Variants in MAP3K4 observed in about 807,000 individuals in gnomAD.
MAP3K4 encodes the protein mitogen-activated protein kinase kinase kinase 4.
A neutral mutation model predicts 185.6 loss-of-function variants in MAP3K4; 67 were observed. That is an observed-to-expected ratio of 0.36 (90% confidence interval 0.30 to 0.44). The LOEUF (loss-of-function observed/expected upper bound fraction) is 0.44, where lower values mean the gene tolerates loss of function less well. Among genes scored for constraint, MAP3K4 ranks in the 20% least tolerant of loss-of-function variants. The pLI, the probability that MAP3K4 is intolerant of heterozygous loss-of-function variation, is 1.00. For synonymous variants in MAP3K4, 702 were observed against 710.4 expected, an observed-to-expected ratio of 0.99 and a Z score of 0.19; for missense variants, 1,551 against 1,995.1, an observed-to-expected ratio of 0.78 and a Z score of 4.24.
At position 161,086,534 on chromosome 6, in the gene MAP3K4, A is replaced by T; in HGVS notation, c.2473-50A>T. On this transcript the variant is annotated intron_variant, in intron 8 of 26. Coordinates refer to ENST00000392142, the MANE Select transcript of MAP3K4 (RefSeq NM_005922.4). This position sits in a 1 kb window ranked among gnomAD's most constrained non-coding sequence, Gnocchi z 4.8. ...TTTTTTCTTGTTTTTCTTTTATCTT[A>T]TTTTTTTAATGCTAACCGTAAAGAA... 5 of 1,600,508 alleles carry T rather than the reference A, an allele frequency of 3.1e-6. No homozygotes were observed. Among genetic ancestry groups the T allele is most frequent in the Non-Finnish European group, 4.3e-6 (5 of 1,171,154 alleles).
At chr6:161,016,959 G>T (rs902110713) in intron 1 of MAP3K4, among the ~76,000 whole-genome samples, 3 of 152,118 alleles carry the variant, frequency 2.0e-5, no homozygotes, top group Non-Finnish European at 4.4e-5. Flanking sequence ...TTTCCTAGCT[G>T]TGTCTGTTTT....
rs1188536000 is a variant in MAP3K4, at chr6:161,105,648, CT to C, written c.3857-863del. 3.3e-5 allele frequency among the ~76,000 whole-genome samples: 5 copies of C among 152,056 alleles called. No individual in the cohort carries two copies. The South Asian group carries it at 1.0e-3, about 32-fold the overall frequency. The stretch of plus-strand genomic sequence containing the variant: ...CAGATACTCAGGTATGAAGAAGATA[CT>C]TTAGGCAGAGGGAAAGGTGTAAAAG... On this transcript the variant is annotated intron_variant, in intron 19 of 26. Transcript: ENST00000392142.
intron 1 of MAP3K4, among the ~76,000 whole-genome samples, chr6:161,009,948 A>G (rs1253747478): frequency 6.6e-6 from 1 of 152,182 alleles, no homozygotes; most frequent in Non-Finnish European, 1.5e-5. Context: ...TGATAGGTGC[A>G]GCAGACCACC....
rs940460125 is a variant in MAP3K4 at position 161,076,345 on chromosome 6, G to A, written c.2097+2733G>A. On this transcript the variant is annotated intron_variant, in intron 5 of 26. Transcript: ENST00000392142. This position sits in a 1 kb window ranked among gnomAD's most constrained non-coding sequence, Gnocchi z 4.2. ...TTCTCTGGTTGTCAGGAAGACTGCC[G>A]AATGGGAGCTCTCTTAGCAGGGGGA... is the stretch of plus-strand genomic sequence containing the variant. 6.6e-6 allele frequency among the ~76,000 whole-genome samples: 1 copy of A among 152,196 alleles called. No homozygotes were observed. Among genetic ancestry groups the A allele is most frequent in the African/African-American group, 2.4e-5 (1 of 41,462 alleles).
chr6:161,108,140 G>A lies in MAP3K4; in HGVS notation c.4119+171G>A, dbSNP rs1187301619. Among the ~76,000 whole-genome samples, 2 of 152,254 alleles carry A rather than the reference G, an allele frequency of 1.3e-5. No individual in the cohort carries two copies. The highest frequency in any genetic ancestry group is 2.9e-5 in the Non-Finnish European group (2 of 68,044). ...TGCACTGAGATAACACACACAGACAGTGAAGGGGCTTACGATTCCAGAGAG... is the reference window on the plus strand; with the variant it reads ...TGCACTGAGATAACACACACAGACAATGAAGGGGCTTACGATTCCAGAGAG... On this transcript the variant is annotated intron_variant, in intron 21 of 26. Coordinates refer to ENST00000392142, the MANE Select transcript of MAP3K4 (RefSeq NM_005922.4). The surrounding 1 kb of genome is among the most constrained non-coding windows in gnomAD (Gnocchi z 5.7).
At position 161,076,710 on chromosome 6, in the gene MAP3K4, A is replaced by G. The variant is rs1583201456; in HGVS notation, c.2097+3098A>G. Reference sequence around the variant, plus strand: ...ATGTGGTAGTTGTAGAAGAGACACAAGAGAGCTCACATGTACACAATTTGA... The same window carrying G: ...ATGTGGTAGTTGTAGAAGAGACACAGGAGAGCTCACATGTACACAATTTGA... On this transcript the variant is annotated intron_variant, in intron 5 of 26. Coordinates refer to ENST00000392142, the MANE Select transcript of MAP3K4 (RefSeq NM_005922.4). The surrounding 1 kb of genome is among the most constrained non-coding windows in gnomAD (Gnocchi z 4.2). Among the ~76,000 whole-genome samples, 1 of 152,242 alleles carries G rather than the reference A, an allele frequency of 6.6e-6. No individual in the cohort carries two copies. The highest frequency in any genetic ancestry group is 2.4e-5 in the African/African-American group (1 of 41,460).
Position 161,056,047 on chromosome 6 carries a change from T to C in MAP3K4, c.1707+6068T>C, listed in dbSNP as rs73784729. 0.023 allele frequency among the ~76,000 whole-genome samples: 3,463 copies of C among 152,348 alleles called. 115 individuals are homozygous for C. The highest frequency in any genetic ancestry group is 0.074 in the African/African-American group (3,089 of 41,572). On this transcript the variant is annotated intron_variant, in intron 3 of 26. Transcript: ENST00000392142. This position sits in a 1 kb window ranked among gnomAD's most constrained non-coding sequence, Gnocchi z 5.4. ...CTGTTGTTTTTACTTTGAATTATAA[T>C]CCAGTACCATTGTTACTGATTTTGT...
At chr6:161,000,812 T>G (rs1033257219) in intron 1 of MAP3K4, among the ~76,000 whole-genome samples, 6 of 141,412 alleles carry the variant, frequency 4.2e-5, no homozygotes, top group Admixed American at 2.7e-4. Flanking sequence ...CACCCATATA[T>G]ACACACATGT....
chr6:161,060,856 G>A (rs1433425914), intron 3 of MAP3K4, among the ~76,000 whole-genome samples: 1 of 152,124 alleles, frequency 6.6e-6, no homozygotes, highest in African/African-American at 2.4e-5. Flanking sequence ...CTGACCTCAA[G>A]TGATCTGCCG....
intron 2 of MAP3K4, among the ~76,000 whole-genome samples, chr6:161,039,838 C>T (rs996124176): frequency 7.9e-5 from 12 of 152,128 alleles, no homozygotes; most frequent in Non-Finnish European, 1.0e-4. Context: ...AGGTGGAGGC[C>T]ATTGTTCTGT....
chr6:161,035,187 C>T (rs1205535647), intron 2 of MAP3K4, among the ~76,000 whole-genome samples: 5 of 152,108 alleles, frequency 3.3e-5, no homozygotes, highest in Non-Finnish European at 7.4e-5. Context: ...CTGTTAATCT[C>T]AGCAAACCAC....
intron 13 of MAP3K4, among the ~76,000 whole-genome samples, chr6:161,092,481 C>T (rs1437563305): frequency 6.6e-6 from 1 of 152,082 alleles, no homozygotes; most frequent in Non-Finnish European, 1.5e-5. Flanking sequence ...ATGGGTGAAT[C>T]GTCTGTGAGG....
intron 1 of MAP3K4, among the ~76,000 whole-genome samples, chr6:161,030,793 T>G (rs1015357110): frequency 6.6e-6 from 1 of 152,212 alleles, no homozygotes; most frequent in African/African-American, 2.4e-5. Flanking sequence ...AAAGTTTCTT[T>G]AAATACTGTT....
Position 161,043,533 on chromosome 6 carries a change from C to T in MAP3K4, c.344-5083C>T, listed in dbSNP as rs1302464607. 6.6e-6 allele frequency among the ~76,000 whole-genome samples: 1 copy of T among 152,186 alleles called. No individual in the cohort carries two copies. Among genetic ancestry groups the T allele is most frequent in the African/African-American group, 2.4e-5 (1 of 41,446 alleles). ...ACTTGGGCTAGGACCCCTGTTCTGA[C>T]ATTAACCATGTGTCTAACCATCTGT... On this transcript the variant is annotated intron_variant, in intron 2 of 26. Transcript: ENST00000392142. The surrounding 1 kb of genome is among the most constrained non-coding windows in gnomAD (Gnocchi z 4.3).
At chr6:161,027,539 T>C (rs925984824) in intron 1 of MAP3K4, among the ~76,000 whole-genome samples, 2 of 152,188 alleles carry the variant, frequency 1.3e-5, no homozygotes. Flanking sequence ...TTTAAATTCT[T>C]GTTCTATTTT....
At chr6:161,094,115 A>G (rs1441665681) in intron 15 of MAP3K4, among the ~76,000 whole-genome samples, 1 of 152,178 alleles carries the variant, frequency 6.6e-6, no homozygotes, top group Non-Finnish European at 1.5e-5. Context: ...CTATACCAAC[A>G]CTACCATTCT....
At chr6:160,995,925 A>C (rs923286458) in intron 1 of MAP3K4, among the ~76,000 whole-genome samples, 4 of 152,250 alleles carry the variant, frequency 2.6e-5, no homozygotes, top group Non-Finnish European at 5.9e-5. Context: ...TGTCCTTATG[A>C]GTACATGCTG....
intron 5 of MAP3K4, among the ~76,000 whole-genome samples, chr6:161,079,741 C>T (rs1785357657): frequency 6.6e-6 from 1 of 152,134 alleles, no homozygotes; most frequent in South Asian, 2.1e-4. Context: ...ATTGCAGATT[C>T]TGCACACACA....
chr6:161,113,847 A>T (rs1173124059), intron 25 of MAP3K4, among the ~76,000 whole-genome samples: 1 of 113,686 alleles, frequency 8.8e-6, no homozygotes, highest in East Asian at 3.0e-4. Flanking sequence ...GCCAGGCAGG[A>T]GTGCAAGTGG....
Sources: allele counts gnomAD v4.1 joint callset (sites outside exome capture counted in the v4.1 genomes callset), GRCh38; gene constraint gnomAD v4.1.1; non-coding constraint Gnocchi (gnomAD v3.1); transcripts MANE v1.5; gene names NCBI Gene and HGNC (gene_info 2026-07-23, HGNC 2026-07-21).